LRRFIP1: variants seen among roughly 807,000 people sequenced by gnomAD.
LRRFIP1 encodes LRR binding FLII interacting protein 1, also known as leucine-rich repeat flightless-interacting protein 1.
In LRRFIP1, 62 loss-of-function variants were observed where a neutral mutation model predicts 104.4. The observed-to-expected ratio is 0.59, with a 90% CI of 0.48 to 0.73. The LOEUF is 0.73. Among genes scored for constraint, LRRFIP1 ranks in the 30% least tolerant of loss-of-function variants. The pLI is 0.00. For synonymous variants in LRRFIP1, 300 were observed against 299.0 expected (o/e 1.00, Z -0.03); for missense variants, 796 against 824.5 (o/e 0.97, Z 0.42).
Position 237,774,361 on chromosome 2 carries a change from A to G in LRRFIP1, c.1711A>G (p.Ile571Val), listed in dbSNP as rs1436580977. The G allele has an allele frequency of 4.4e-6, 7 of 1,603,936 alleles. No individual in the cohort carries two copies. The highest frequency in any genetic ancestry group is 3.3e-5 in the South Asian group (3 of 90,568). ...QEITALEQNV[I>V]RLESQVSRYK... ...TGGTTTTTTTTCTACCTTTTAGGTAATAAGGTTAGAGAGTCAAGTATCACG... is the reference window on the plus strand; with the variant it reads ...TGGTTTTTTTTCTACCTTTTAGGTAGTAAGGTTAGAGAGTCAAGTATCACG... The change falls in exon 23 of 24, where the codon ATA becomes GTA. Residue 571 changes from isoleucine (I) to valine (V), a missense_variant. Coordinates refer to ENST00000308482, the MANE Select transcript of LRRFIP1 (RefSeq NM_001137550.2).
intron 1 of LRRFIP1, among the ~76,000 whole-genome samples, chr2:237,655,498 A>G (rs2086668939): frequency 6.6e-6 from 1 of 152,162 alleles, no homozygotes; most frequent in Admixed American, 6.5e-5. Context: ...TTACAGTGCC[A>G]ATATAGATGA....
At chr2:237,639,438 T>G (rs1202316126) in intron 1 of LRRFIP1, among the ~76,000 whole-genome samples, 1 of 152,210 alleles carries the variant, frequency 6.6e-6, no homozygotes, top group Admixed American at 6.5e-5. Flanking sequence ...TTTTACTTCT[T>G]GGTCTTGAAT....
At chr2:237,737,637 A>G (rs2095292938) in intron 10 of LRRFIP1, among the ~76,000 whole-genome samples, 1 of 152,204 alleles carries the variant, frequency 6.6e-6, no homozygotes, top group South Asian at 2.1e-4. Flanking sequence ...TTGCTGCAGG[A>G]TGAAGTTTTC....
At chr2:237,665,898 A>C (rs888260719) in intron 1 of LRRFIP1, among the ~76,000 whole-genome samples, 5 of 152,188 alleles carry the variant, frequency 3.3e-5, no homozygotes, top group African/African-American at 1.2e-4. Flanking sequence ...TTGAATAGTA[A>C]ATGCTGTTTC....
chr2:237,762,494 T>C, intron 19 of LRRFIP1: 1 of 836,564 alleles, frequency 1.2e-6, no homozygotes, highest in Non-Finnish European at 1.9e-6. Flanking sequence ...GATGACTCTG[T>C]CTTTAGGAAT....
rs774303181 is a variant in LRRFIP1, at chr2:237,763,200, G to A, written c.1459+2995G>A. Reference sequence around the variant, plus strand: ...CCAGCGCACAGTACAGAAGTAGGTAGGGATCACAACGAAGAAGAGGGTGAA... The same window carrying A: ...CCAGCGCACAGTACAGAAGTAGGTAAGGATCACAACGAAGAAGAGGGTGAA... On this transcript the variant is annotated intron_variant, in intron 19 of 23. Transcript: ENST00000308482. 5.0e-6 allele frequency: 8 copies of A among 1,614,052 alleles called. No individual in the cohort carries two copies. In the African/African-American group the frequency reaches 6.7e-5, roughly 13 times the overall value.
rs373810493 is a variant in LRRFIP1 at position 237,727,213 on chromosome 2, G to A, written c.385-663G>A. Among the ~76,000 whole-genome samples, 892 of 152,158 alleles carry A rather than the reference G, an allele frequency of 5.9e-3. 3 individuals are homozygous for A. Among genetic ancestry groups the A allele is most frequent in the Non-Finnish European group, 9.1e-3 (619 of 68,002 alleles). On this transcript the variant is annotated intron_variant, in intron 7 of 23. Coordinates refer to ENST00000308482, the MANE Select transcript of LRRFIP1 (RefSeq NM_001137550.2). ...TCTACTAAAAATGCAAAAATTAGCCGGGCGTGGTGACGCACGCCTGTAATC... is the reference window on the plus strand; with the variant it reads ...TCTACTAAAAATGCAAAAATTAGCCAGGCGTGGTGACGCACGCCTGTAATC...
intron 1 of LRRFIP1, among the ~76,000 whole-genome samples, chr2:237,650,143 G>T (rs931924327): frequency 7.5e-6 from 1 of 132,648 alleles, no homozygotes; most frequent in Admixed American, 7.7e-5. Context: ...GAACAAGAAG[G>T]GCAAGTGGGG....
Position 237,755,951 on chromosome 2 carries a change from AAAAAT to A in LRRFIP1, c.1039-134_1039-130del, listed in dbSNP as rs1418929737. On this transcript the variant is annotated intron_variant, in intron 15 of 23. Transcript: ENST00000308482. ...TCCATCTCAAAAAAATATATAAATA[AAAAAT>A]AAAATAAAAGACCTTGAAGATTGTG... 8.4e-5 allele frequency: 40 copies of A among 474,442 alleles called. 1 individual carries two copies. The highest frequency in any genetic ancestry group is 4.7e-4 in the African/African-American group (23 of 49,128). 29.4% of individuals were successfully genotyped at this position (474,442 alleles called of 1,614,324 possible). A position where few individuals can be genotyped will look rare whatever the true frequency, so the allele number is the denominator to read the frequency against.
intron 1 of LRRFIP1, among the ~76,000 whole-genome samples, chr2:237,700,134 T>C (rs1452771352): frequency 6.6e-6 from 1 of 152,162 alleles, no homozygotes; most frequent in East Asian, 1.9e-4. Flanking sequence ...TTGCTGTGAA[T>C]AGCAAACTTT....
chr2:237,747,389 G>A (rs1488842983), intron 11 of LRRFIP1, among the ~76,000 whole-genome samples: 1 of 152,194 alleles, frequency 6.6e-6, no homozygotes, highest in Non-Finnish European at 1.5e-5. Flanking sequence ...CTGGCCCAGC[G>A]TGGACTCGGG....
At chr2:237,668,989 G>T (rs992772400) in intron 1 of LRRFIP1, among the ~76,000 whole-genome samples, 27 of 151,726 alleles carry the variant, frequency 1.8e-4, no homozygotes, top group African/African-American at 5.6e-4. Context: ...TCTAAATAGC[G>T]CATTTTTAAA....
In LRRFIP1 at chr2:237,727,951, T is replaced by C. The variant is rs1180170990; in HGVS notation, c.444+16T>C. The C allele has an allele frequency of 1.9e-6, 3 of 1,584,116 alleles. No individual in the cohort carries two copies. The highest frequency in any genetic ancestry group is 1.1e-5 in the South Asian group (1 of 87,086). ...ATCTGGCAGGGTTAGTATAGTAAAT[T>C]TGCATGGCTCAAAATTCAAATAGGT... On this transcript the variant is annotated intron_variant, in intron 8 of 23. Coordinates refer to ENST00000308482, the MANE Select transcript of LRRFIP1 (RefSeq NM_001137550.2).
chr2:237,680,695 A>G (rs2091711682), intron 1 of LRRFIP1, among the ~76,000 whole-genome samples: 1 of 151,978 alleles, frequency 6.6e-6, no homozygotes, highest in Non-Finnish European at 1.5e-5. Flanking sequence ...TAACAAATAG[A>G]CTCTAGGCCA....
intron 1 of LRRFIP1, among the ~76,000 whole-genome samples, chr2:237,700,938 C>T (rs2093487183): frequency 6.6e-6 from 1 of 152,140 alleles, no homozygotes; most frequent in African/African-American, 2.4e-5. Flanking sequence ...CTCATAAACC[C>T]CTTCCAGCTT....
intron 1 of LRRFIP1, among the ~76,000 whole-genome samples, chr2:237,644,428 C>G (rs965461523): frequency 1.3e-5 from 2 of 152,220 alleles, no homozygotes; most frequent in African/African-American, 4.8e-5. Flanking sequence ...TTTGCCTGAC[C>G]TTAACCTCAC....
chr2:237,630,089 G>C (rs2082137874), intron 1 of LRRFIP1, among the ~76,000 whole-genome samples: 1 of 152,186 alleles, frequency 6.6e-6, no homozygotes, highest in Admixed American at 6.5e-5. Context: ...GTAAATATGA[G>C]AGCTTCTTAC....
chr2:237,710,059 G>T (rs564456300), intron 2 of LRRFIP1, among the ~76,000 whole-genome samples: 1 of 151,572 alleles, frequency 6.6e-6, no homozygotes, highest in African/African-American at 2.4e-5. Flanking sequence ...CACCATGTTG[G>T]CCAGACTGGT....
rs184692452 is a variant in LRRFIP1, at chr2:237,698,609, C to T, written c.97-9935C>T. Among the ~76,000 whole-genome samples the T allele has an allele frequency of 7.9e-5, 12 of 152,306 alleles. No homozygotes were observed. The East Asian group carries it at 1.3e-3, about 17-fold the overall frequency. ...CCTTCTTTGAAGGTGGCCGTCTTACCGTAAACTTTCATGGTAATTTCAGTC... is the reference window on the plus strand; with the variant it reads ...CCTTCTTTGAAGGTGGCCGTCTTACTGTAAACTTTCATGGTAATTTCAGTC... On this transcript the variant is annotated intron_variant, in intron 1 of 23. Transcript: ENST00000308482.
Sources: gnomAD v4.1 joint callset for allele counts (sites outside exome capture counted in the v4.1 genomes callset) on GRCh38, gnomAD v4.1.1 for gene constraint, MANE v1.5 for transcripts, NCBI Gene and HGNC (gene_info 2026-07-23, HGNC 2026-07-21) for gene names.